SRD5A2: variants seen among roughly 807,000 people sequenced by gnomAD.
The protein encoded by SRD5A2 is steroid 5 alpha-reductase 2, also known as 3-oxo-5-alpha-steroid 4-dehydrogenase 2.
In SRD5A2, 30 loss-of-function variants were observed where a neutral mutation model predicts 27.4. The ratio of observed to expected loss-of-function variants is 1.10; its 90% CI spans 0.82 to 1.49. SRD5A2 has a LOEUF of 1.49. SRD5A2 is among the 40% of genes most tolerant of loss of function. SRD5A2 has a pLI of 0.00. For missense variants in SRD5A2, 348 were observed against 323.4 expected (o/e 1.08, Z -0.58); for synonymous variants, 141 against 133.6 (o/e 1.06, Z -0.38).
At chr2:31,631,444 G>C in the SRD5A2 span, among the ~76,000 whole-genome samples, 1 of 152,042 alleles carries the variant, frequency 6.6e-6, no homozygotes, top group Admixed American at 6.5e-5. Context: ...AAAATGACTA[G>C]GGGTACTGGC....
At chr2:31,653,375 T>C in the SRD5A2 span, among the ~76,000 whole-genome samples, 6 of 152,212 alleles carry the variant, frequency 3.9e-5, no homozygotes, top group Admixed American at 1.3e-4. Context: ...CACCTTAAGG[T>C]TTTAAGAATC....
chr2:31,586,458 C>T, the SRD5A2 span, among the ~76,000 whole-genome samples: 1 of 152,192 alleles, frequency 6.6e-6, no homozygotes, highest in African/African-American at 2.4e-5. Context: ...CAGTGTTGTG[C>T]TGGCTTCAAG....
chr2:31,653,099 T>C, the SRD5A2 span, among the ~76,000 whole-genome samples: 10 of 152,198 alleles, frequency 6.6e-5, no homozygotes, highest in South Asian at 2.1e-3. Flanking sequence ...ACTAACAAAA[T>C]AGTCATTTCC....
chr2:31,589,916 C>T, the SRD5A2 span, among the ~76,000 whole-genome samples: 1 of 152,080 alleles, frequency 6.6e-6, no homozygotes, highest in South Asian at 2.1e-4. Context: ...AAACTCAGTG[C>T]TGTTGGAGGG....
chr2:31,526,341 G>A, intron 4 of SRD5A2, 79 bp from the exon 5 acceptor site: 1 of 923,790 alleles, frequency 1.1e-6, no homozygotes, highest in Non-Finnish European at 1.7e-6. Flanking sequence ...CCAAATCTTT[G>A]TTACAAGTCA....
chr2:31,628,134 G>A, the SRD5A2 span, among the ~76,000 whole-genome samples: 23 of 152,156 alleles, frequency 1.5e-4, no homozygotes, highest in African/African-American at 5.3e-4. Context: ...CTAAAAATTC[G>A]CTTTATGAAT....
At chr2:31,557,963 A>T (rs943477825) in intron 1 of SRD5A2, among the ~76,000 whole-genome samples, 2 of 152,164 alleles carry the variant, frequency 1.3e-5, no homozygotes, top group African/African-American at 4.8e-5. Flanking sequence ...TCACTTTCAG[A>T]TCGGCACTAT....
intron 1 of SRD5A2, chr2:31,563,433 T>A (rs1666666360): frequency 6.6e-6 from 1 of 151,892 alleles, no homozygotes; most frequent in Non-Finnish European, 1.5e-5. Context: ...CACTGGATAT[T>A]AGGCAATGAA....
chr2:31,584,520 C>T (rs1667144637), upstream of SRD5A2, among the ~76,000 whole-genome samples: 1 of 152,198 alleles, frequency 6.6e-6, no homozygotes, highest in African/African-American at 2.4e-5. Flanking sequence ...GTCCTTACTT[C>T]AGACATCAGC....
intron 1 of SRD5A2, among the ~76,000 whole-genome samples, chr2:31,534,084 T>C (rs1212493260): frequency 1.3e-5 from 2 of 152,056 alleles, no homozygotes; most frequent in East Asian, 3.8e-4. Flanking sequence ...GTACAATAAA[T>C]ATCCTTAAAG....
the SRD5A2 span, among the ~76,000 whole-genome samples, chr2:31,604,884 C>T: frequency 1.4e-4 from 21 of 151,914 alleles, no homozygotes; most frequent in Admixed American, 1.3e-3. Flanking sequence ...TGAGGAATCA[C>T]ATTATCTGAC....
At chr2:31,581,165 C>T (rs994992454), upstream of SRD5A2, 23 of 505,302 alleles carry the variant, frequency 4.6e-5, no homozygotes, top group African/African-American at 3.8e-4. Flanking sequence ...ATTCACCTCC[C>T]GCTTAGGCTG....
the SRD5A2 span, among the ~76,000 whole-genome samples, chr2:31,593,072 G>A: frequency 6.6e-6 from 1 of 152,018 alleles, no homozygotes; most frequent in Non-Finnish European, 1.5e-5. Context: ...AGAACACATG[G>A]ACACAGGAAG....
At chr2:31,570,169 G>A (rs980907963) in intron 1 of SRD5A2, among the ~76,000 whole-genome samples, 3 of 152,060 alleles carry the variant, frequency 2.0e-5, no homozygotes, top group African/African-American at 7.2e-5. Context: ...ACATCAAAAA[G>A]CTAATCCACC....
At chr2:31,571,803 C>T (rs1377891109) in intron 1 of SRD5A2, among the ~76,000 whole-genome samples, 2 of 152,160 alleles carry the variant, frequency 1.3e-5, no homozygotes, top group African/African-American at 4.8e-5. Context: ...AAATGCAAAT[C>T]AAAACCACCA....
intron 1 of SRD5A2, among the ~76,000 whole-genome samples, chr2:31,567,942 T>G (rs1160971622): frequency 1.3e-5 from 2 of 151,648 alleles, no homozygotes; most frequent in Non-Finnish European, 1.5e-5. Flanking sequence ...TGATGAGGGG[T>G]GTGTGTGTGA....
intron 2 of SRD5A2, among the ~76,000 whole-genome samples, 156 bp downstream of exon 2, chr2:31,533,447 T>A (rs1665958769): frequency 6.6e-6 from 1 of 152,324 alleles, no homozygotes; most frequent in Admixed American, 6.5e-5. Flanking sequence ...AAACAATCTC[T>A]CTGGCTACCA....
intron 2 of SRD5A2, 128 bp downstream of exon 2, chr2:31,533,475 G>T: frequency 1.2e-6 from 1 of 817,336 alleles, no homozygotes; most frequent in Non-Finnish European, 2.0e-6. Context: ...AAAAGATCAG[G>T]GTAGAGGTGA....
chr2:31,645,605 G>T, the SRD5A2 span, among the ~76,000 whole-genome samples: 1 of 151,946 alleles, frequency 6.6e-6, no homozygotes, highest in Non-Finnish European at 1.5e-5. Context: ...TATTCACTCT[G>T]GTTTTTAAAA....
Sources: allele counts gnomAD v4.1 joint callset (sites outside exome capture counted in the v4.1 genomes callset), GRCh38; gene constraint gnomAD v4.1.1; transcripts MANE v1.5; gene names NCBI Gene and HGNC (gene_info 2026-07-23, HGNC 2026-07-21).